The following UGGT2 variants were observed in gnomAD, a reference collection of about 807,000 sequenced individuals.
UGGT2 encodes UDP-glucose glycoprotein glucosyltransferase 2, also known as UDP-glucose:glycoprotein glucosyltransferase 2.
A neutral mutation model predicts 192.1 loss-of-function variants in UGGT2; 180 were observed. That is an observed-to-expected ratio of 0.94 (90% confidence interval 0.83 to 1.06). UGGT2 has a LOEUF of 1.06. Ranked by LOEUF, UGGT2 falls within the 50% of genes least tolerant of loss-of-function variation. The pLI is 0.00. For missense variants in UGGT2, 1,849 were observed against 1,795.7 expected (o/e 1.03, Z -0.54); for synonymous variants, 580 against 591.0 (o/e 0.98, Z 0.27).
chr13:95,975,150 G>A (rs886332949), intron 10 of UGGT2, among the ~76,000 whole-genome samples: 1 of 152,132 alleles, frequency 6.6e-6, no homozygotes, highest in African/African-American at 2.4e-5. Flanking sequence ...CCTAAGGACA[G>A]AGAGGAAGTA....
chr13:95,848,564 T>A (rs1341469144), intron 36 of UGGT2, among the ~76,000 whole-genome samples: 1 of 152,234 alleles, frequency 6.6e-6, no homozygotes, highest in East Asian at 1.9e-4. Flanking sequence ...GCTCTATCTT[T>A]GTTCCTCTGT....
intron 25 of UGGT2, 74 bp downstream of exon 25, chr13:95,890,785 GATT>G (rs2047777859): frequency 9.2e-7 from 1 of 1,083,966 alleles, no homozygotes; most frequent in African/African-American, 1.6e-5. Flanking sequence ...ATAAACAGCT[GATT>G]ATATTTGAAA....
Position 95,809,315 on chromosome 13 carries a change from T to C in UGGT2, c.4529-7503A>G, listed in dbSNP as rs1884466475. 67 of 497,202 alleles carry C rather than the reference T, an allele frequency of 1.3e-4. 1 individual carries two copies. The highest frequency in any genetic ancestry group is 9.9e-4 in the South Asian group (67 of 67,678). 30.8% of individuals were successfully genotyped at this position (497,202 alleles called of 1,614,324 possible). ...ACATGGTATAGGATATTAATCAGAC[T>C]TGGCTTCTTTCTCTCTAGCTTCATT... On this transcript the variant is annotated intron_variant, in intron 38 of 38. Transcript: ENST00000376747.
intron 17 of UGGT2, among the ~76,000 whole-genome samples, chr13:95,931,640 G>A (rs919912396): frequency 1.2e-4 from 19 of 152,108 alleles, no homozygotes; most frequent in Non-Finnish European, 2.5e-4. Context: ...GCGAGAATTC[G>A]AGCACAGTGC....
At chr13:95,846,432 G>A (rs1270072930) in intron 36 of UGGT2, among the ~76,000 whole-genome samples, 2 of 151,846 alleles carry the variant, frequency 1.3e-5, no homozygotes, top group Admixed American at 6.6e-5. Context: ...GAGGAGGGGA[G>A]GGGGGGAGGA....
chr13:96,005,346 A>G (rs374274370), intron 5 of UGGT2, among the ~76,000 whole-genome samples: 1 of 152,164 alleles, frequency 6.6e-6, no homozygotes, highest in African/African-American at 2.4e-5. Flanking sequence ...GGCTAACGTG[A>G]GAGTGTGAAG....
At chr13:95,825,372 T>A (rs189383319) in intron 38 of UGGT2, among the ~76,000 whole-genome samples, 64 of 152,252 alleles carry the variant, frequency 4.2e-4, no homozygotes, top group Non-Finnish European at 9.1e-4. Context: ...TTAGATGCAC[T>A]GATGTCTTAA....
At chr13:95,992,398 G>A (rs1057120567) in intron 7 of UGGT2, among the ~76,000 whole-genome samples, 1 of 152,108 alleles carries the variant, frequency 6.6e-6, no homozygotes, top group Admixed American at 6.6e-5. Context: ...TGTGGAGATG[G>A]TTCACCTCCT....
intron 20 of UGGT2, among the ~76,000 whole-genome samples, chr13:95,912,488 T>C (rs923333802): frequency 3.3e-5 from 5 of 152,102 alleles, no homozygotes; most frequent in African/African-American, 9.7e-5. Flanking sequence ...CCATTCAGAA[T>C]TGCTACAAAG....
At chr13:95,948,984 C>G (rs1265842069) in intron 13 of UGGT2, among the ~76,000 whole-genome samples, 1 of 152,156 alleles carries the variant, frequency 6.6e-6, no homozygotes, top group African/African-American at 2.4e-5. Context: ...TCCCCTTTTG[C>G]TCATACTTCT....
chr13:95,914,054 C>G (rs1388737901), intron 20 of UGGT2, among the ~76,000 whole-genome samples: 1 of 151,376 alleles, frequency 6.6e-6, no homozygotes, highest in African/African-American at 2.4e-5. Flanking sequence ...GGACACAGGG[C>G]CTTGGACACA....
At chr13:95,823,846 G>T (rs1388914660) in intron 38 of UGGT2, among the ~76,000 whole-genome samples, 2 of 151,950 alleles carry the variant, frequency 1.3e-5, no homozygotes, top group Non-Finnish European at 2.9e-5. Flanking sequence ...AGTTTTACAG[G>T]CTCTGTGAGT....
At chr13:95,924,604 C>A (rs114091896) in intron 20 of UGGT2, among the ~76,000 whole-genome samples, 2 of 151,946 alleles carry the variant, frequency 1.3e-5, no homozygotes, top group South Asian at 2.1e-4. Context: ...ACCTTTCATA[C>A]TGAATAGAAG....
chr13:95,874,787 G>C lies in UGGT2; in HGVS notation c.3473+2492C>G, dbSNP rs74463847. Among the ~76,000 whole-genome samples, 921 of 152,094 alleles carry C rather than the reference G, an allele frequency of 6.1e-3. 4 individuals are homozygous for C. Among genetic ancestry groups the C allele is most frequent in the Non-Finnish European group, 8.0e-3 (545 of 67,984 alleles). ...GCTCACTGCAGTTGCCACCTCGTGG[G>C]GTCAACTGATCCTCCCACCTCAGCC... On this transcript the variant is annotated intron_variant, in intron 29 of 38. Coordinates refer to ENST00000376747, the MANE Select transcript of UGGT2 (RefSeq NM_020121.4).
At chr13:96,041,165 T>A (rs2053153688) in intron 1 of UGGT2, among the ~76,000 whole-genome samples, 1 of 152,052 alleles carries the variant, frequency 6.6e-6, no homozygotes, top group Non-Finnish European at 1.5e-5. Context: ...CCCCAAATAC[T>A]CTGAGTACCC....
At chr13:95,956,003 G>T (rs1260563740) in intron 12 of UGGT2, among the ~76,000 whole-genome samples, 1 of 152,170 alleles carries the variant, frequency 6.6e-6, no homozygotes. Context: ...TTTAAATGCT[G>T]AACATAGTAT....
chr13:95,859,513 T>C, intron 33 of UGGT2, 78 bp downstream of exon 33: 2 of 1,153,836 alleles, frequency 1.7e-6, no homozygotes, highest in Non-Finnish European at 2.5e-6. Context: ...AAAAGAGAAA[T>C]ATCATATAAA....
At chr13:95,903,651 G>GT (rs1295513567) in intron 20 of UGGT2, among the ~76,000 whole-genome samples, 17 of 152,162 alleles carry the variant, frequency 1.1e-4, no homozygotes, top group African/African-American at 4.1e-4. Context: ...TTCTGTAGCT[G>GT]TAGTCAATTT....
At chr13:95,919,893 T>C (rs868539122) in intron 20 of UGGT2, among the ~76,000 whole-genome samples, 51 of 151,960 alleles carry the variant, frequency 3.4e-4, no homozygotes, top group African/African-American at 1.1e-3. Flanking sequence ...GCCCGAATAG[T>C]CAAGCCAATC....
Sources: gnomAD v4.1 joint callset for allele counts (sites outside exome capture counted in the v4.1 genomes callset) on GRCh38, gnomAD v4.1.1 for gene constraint, MANE v1.5 for transcripts, NCBI Gene and HGNC (gene_info 2026-07-23, HGNC 2026-07-21) for gene names.